LRRC39: variants seen among roughly 807,000 people sequenced by gnomAD.
The protein encoded by LRRC39 is leucine-rich repeat-containing protein 39.
In LRRC39, 35 loss-of-function variants were observed where a neutral mutation model predicts 39.7. That is an observed-to-expected ratio of 0.88 (90% CI 0.67 to 1.17). LRRC39 has a LOEUF of 1.17. LRRC39 is among the 50% of genes most tolerant of loss of function. The pLI is 0.00. For synonymous variants in LRRC39, 113 were observed against 134.1 expected, an observed-to-expected ratio of 0.84 and a Z score of 1.09; for missense variants, 357 against 385.8, an observed-to-expected ratio of 0.93 and a Z score of 0.62.
At chr1:100,160,034 T>G (rs1658754267) in intron 4 of LRRC39, among the ~76,000 whole-genome samples, 1 of 152,280 alleles carries the variant, frequency 6.6e-6, no homozygotes, top group South Asian at 2.1e-4. Flanking sequence ...GTATGCCTAA[T>G]ATAATTAACC....
intron 3 of LRRC39, among the ~76,000 whole-genome samples, chr1:100,161,922 C>G (rs1046010330): frequency 6.6e-6 from 1 of 152,210 alleles, no homozygotes; most frequent in African/African-American, 2.4e-5. Context: ...GCTGGGATTA[C>G]AGGCGTGAAC....
rs970867629 is a variant in LRRC39 at position 100,168,408 on chromosome 1, G to A, written c.109C>T (p.His37Tyr). 1 of 1,600,800 alleles carries A rather than the reference G, an allele frequency of 6.2e-7. No individual in the cohort carries two copies. The highest frequency in any genetic ancestry group is 1.3e-5 in the African/African-American group (1 of 74,282). Reference protein sequence around the residue: ...EDLKREKEFQHKLVRIWEERV... With the variant: ...EDLKREKEFQYKLVRIWEERV... Reference sequence around the variant, plus strand: ...AATAAATATGTTTTAGCATACTTGTGTTGAAATTCCTTCTCTCGCTTCAGG... The same window carrying A: ...AATAAATATGTTTTAGCATACTTGTATTGAAATTCCTTCTCTCGCTTCAGG... The change falls in exon 3 of 10, where the codon CAC (histidine) becomes TAC (tyrosine). Residue 37 changes from histidine to tyrosine, a missense_variant. Physicochemically the swap from His to Tyr is moderately conservative, Grantham distance 83 (BLOSUM62 2). Coordinates refer to ENST00000370137, the MANE Select transcript of LRRC39 (RefSeq NM_144620.4).
upstream of LRRC39, among the ~76,000 whole-genome samples, chr1:100,179,626 A>T (rs1199982337): frequency 1.3e-5 from 2 of 151,488 alleles, no homozygotes; most frequent in East Asian, 3.9e-4. Flanking sequence ...AGTCTCAGCT[A>T]CTTGGGAGAC....
intron 6 of LRRC39, among the ~76,000 whole-genome samples, chr1:100,157,167 C>T (rs1211699559): frequency 6.6e-6 from 1 of 151,880 alleles, no homozygotes; most frequent in Non-Finnish European, 1.5e-5. Context: ...TGGCTGTGTC[C>T]CCACCCAAAT....
chr1:100,170,591 G>T (rs57609594), intron 2 of LRRC39, among the ~76,000 whole-genome samples: 2 of 152,054 alleles, frequency 1.3e-5, no homozygotes, highest in Admixed American at 1.3e-4. Context: ...AAACTACTGA[G>T]CTGTACACTA....
chr1:100,172,104 A>C (rs928815841), intron 2 of LRRC39, among the ~76,000 whole-genome samples: 1 of 152,164 alleles, frequency 6.6e-6, no homozygotes, highest in African/African-American at 2.4e-5. Flanking sequence ...AATAATAATA[A>C]TCTAAAATCT....
intron 7 of LRRC39, among the ~76,000 whole-genome samples, 167 bp from the exon 8 acceptor site, chr1:100,155,370 T>G (rs1658388206): frequency 6.6e-6 from 1 of 152,190 alleles, no homozygotes; most frequent in Non-Finnish European, 1.5e-5. Context: ...AGTGCTGGGA[T>G]TACAGGCGTG....
At chr1:100,156,847 T>A (rs1658497921) in intron 6 of LRRC39, among the ~76,000 whole-genome samples, 1 of 152,112 alleles carries the variant, frequency 6.6e-6, no homozygotes, top group African/African-American at 2.4e-5. Context: ...TAGCTGGGCA[T>A]GGTGGCACAC....
intron 9 of LRRC39, among the ~76,000 whole-genome samples, chr1:100,150,793 GC>G (rs1345594853): frequency 5.9e-5 from 9 of 152,006 alleles, no homozygotes; most frequent in Non-Finnish European, 1.3e-4. Flanking sequence ...AGATTCACCT[GC>G]ACAATTACCA....
intron 3 of LRRC39, among the ~76,000 whole-genome samples, chr1:100,165,990 TCAGGCTCCCATGTAGCTGGGATTA>T (rs1659215367): frequency 1.3e-5 from 2 of 151,226 alleles, no homozygotes; most frequent in Non-Finnish European, 2.9e-5. Flanking sequence ...TTCTCCTGCC[TCAGGCTCCCATGTAGCTGGGATTA>T]CAGGCGTGAG....
At chr1:100,175,518 C>T (rs996781240) in intron 1 of LRRC39, among the ~76,000 whole-genome samples, 3 of 151,888 alleles carry the variant, frequency 2.0e-5, no homozygotes, top group Non-Finnish European at 4.4e-5. Context: ...GCAAGAACAG[C>T]CTAACACAGA....
chr1:100,149,169 C>T (rs1657692463), intron 9 of LRRC39, 72 bp from the exon 10 acceptor site: 1 of 1,546,912 alleles, frequency 6.5e-7, no homozygotes, highest in East Asian at 2.3e-5. Flanking sequence ...AATTTATCTT[C>T]CTTTGATTTT....
At chr1:100,162,495 T>C (rs1370551614) in intron 3 of LRRC39, among the ~76,000 whole-genome samples, 1 of 151,860 alleles carries the variant, frequency 6.6e-6, no homozygotes, top group East Asian at 1.9e-4. Flanking sequence ...AAAAATTAGC[T>C]GGGTGTGGTG....
intron 8 of LRRC39, among the ~76,000 whole-genome samples, chr1:100,154,426 C>T (rs1440979085): frequency 6.6e-6 from 1 of 152,042 alleles, no homozygotes; most frequent in Non-Finnish European, 1.5e-5. Flanking sequence ...TTACATGTTT[C>T]TCATAGGCAA....
chr1:100,164,930 C>T (rs893630407), intron 3 of LRRC39, among the ~76,000 whole-genome samples: 1 of 151,992 alleles, frequency 6.6e-6, no homozygotes, highest in African/African-American at 2.4e-5. Context: ...GTCTCAAGCT[C>T]GTTGGGCTCA....
chr1:100,161,943 G>A (rs1658908512), intron 3 of LRRC39, among the ~76,000 whole-genome samples: 1 of 152,158 alleles, frequency 6.6e-6, no homozygotes, highest in Admixed American at 6.5e-5. Flanking sequence ...CACTGTGCCT[G>A]GCTATGTTTA....
chr1:100,157,798 G>A (rs922326858), intron 6 of LRRC39, among the ~76,000 whole-genome samples: 18 of 152,134 alleles, frequency 1.2e-4, no homozygotes, highest in African/African-American at 4.1e-4. Flanking sequence ...ATTTTTATAT[G>A]ATCAATTTGG....
At chr1:100,176,571 G>T (rs1299043332) in intron 1 of LRRC39, among the ~76,000 whole-genome samples, 1 of 152,192 alleles carries the variant, frequency 6.6e-6, no homozygotes, top group Non-Finnish European at 1.5e-5. Flanking sequence ...AAGAAAGGCA[G>T]TCAGAAATTG....
In LRRC39 at chr1:100,159,160, TATA is replaced by T; in HGVS notation, c.376+96_376+98del. On this transcript the variant is annotated intron_variant, in intron 5 of 9. Coordinates refer to ENST00000370137, the MANE Select transcript of LRRC39 (RefSeq NM_144620.4). ...TTAAAATTCTCAAGGTTGAGGGCTGTATAAAGAGGTCTTTATTCCATGTATCCA... is the reference window on the plus strand; with the variant it reads ...TTAAAATTCTCAAGGTTGAGGGCTGTAAGAGGTCTTTATTCCATGTATCCA... 3 of 997,856 alleles carry T rather than the reference TATA, an allele frequency of 3.0e-6. No individual in the cohort carries two copies. The South Asian group carries it at 7.1e-5, about 24-fold the overall frequency. The allele number at this position is 997,856 out of a possible 1,614,324, so 61.8% of individuals were successfully genotyped here.
Sources: gnomAD v4.1 joint callset for allele counts (sites outside exome capture counted in the v4.1 genomes callset) on GRCh38, gnomAD v4.1.1 for gene constraint, MANE v1.5 for transcripts, NCBI Gene and HGNC (gene_info 2026-07-23, HGNC 2026-07-21) for gene names.